Variants in PTPRT observed in about 807,000 individuals in gnomAD.
The protein encoded by PTPRT is receptor-type tyrosine-protein phosphatase T.
PTPRT carries 56 observed loss-of-function variants against 176.8 expected under a neutral mutation model. The ratio of observed to expected loss-of-function variants is 0.32; its 90% confidence interval spans 0.26 to 0.40. The LOEUF (loss-of-function observed/expected upper bound fraction) is 0.40, where lower values mean the gene tolerates loss of function less well. Among genes scored for constraint, PTPRT ranks in the 10% least tolerant of loss-of-function variants. The pLI is 1.00. For missense variants in PTPRT, 1,540 were observed against 1,908.2 expected, an observed-to-expected ratio of 0.81 and a Z score of 3.60; for synonymous variants, 783 against 739.0, an observed-to-expected ratio of 1.06 and a Z score of -0.96.
At chr20:42,562,243 C>G (rs772367411) in intron 7 of PTPRT, among the ~76,000 whole-genome samples, 1 of 152,214 alleles carries the variant, frequency 6.6e-6, no homozygotes, top group Non-Finnish European at 1.5e-5. Context: ...CCAGAATTAT[C>G]TTGTTCCCTA....
chr20:42,967,315 T>C (rs1427854785), intron 1 of PTPRT, among the ~76,000 whole-genome samples: 1 of 152,142 alleles, frequency 6.6e-6, no homozygotes, highest in East Asian at 1.9e-4. Flanking sequence ...ATTTAAGGTA[T>C]TGAGATGAGA....
chr20:42,975,753 C>A (rs6072917), intron 1 of PTPRT, among the ~76,000 whole-genome samples: 1 of 151,956 alleles, frequency 6.6e-6, no homozygotes, highest in Non-Finnish European at 1.5e-5. Flanking sequence ...CTAGCCGTTA[C>A]GTAGAAATCC....
At chr20:42,581,721 G>A (rs1451874541) in intron 7 of PTPRT, among the ~76,000 whole-genome samples, 3 of 152,302 alleles carry the variant, frequency 2.0e-5, no homozygotes, top group South Asian at 4.1e-4. Context: ...CTTGGGAAGA[G>A]AAAATTGCAT....
intron 15 of PTPRT, among the ~76,000 whole-genome samples, chr20:42,227,838 ACCTCAGGTAAT>A (rs2056053548): frequency 6.6e-6 from 1 of 151,858 alleles, no homozygotes; most frequent in Non-Finnish European, 1.5e-5. Context: ...CAAACTCCTG[ACCTCAGGTAAT>A]CCACCTGCCT....
At chr20:42,717,929 C>T (rs866621708) in intron 6 of PTPRT, among the ~76,000 whole-genome samples, 1 of 152,316 alleles carries the variant, frequency 6.6e-6, no homozygotes, top group South Asian at 2.1e-4. Flanking sequence ...TGCTCAATTT[C>T]ACTAGTCATC....
chr20:42,649,380 G>C (rs2074986817), intron 7 of PTPRT, among the ~76,000 whole-genome samples: 1 of 152,098 alleles, frequency 6.6e-6, no homozygotes, highest in Non-Finnish European at 1.5e-5. Context: ...GGGAATTGTG[G>C]GAGCTACAAT....
intron 3 of PTPRT, among the ~76,000 whole-genome samples, chr20:42,782,067 A>G (rs1037874774): frequency 6.6e-6 from 1 of 152,240 alleles, no homozygotes; most frequent in Non-Finnish European, 1.5e-5. Flanking sequence ...AATATTTACT[A>G]GAATTATTAT....
At chr20:42,615,075 A>T (rs2074047534) in intron 7 of PTPRT, among the ~76,000 whole-genome samples, 1 of 114,970 alleles carries the variant, frequency 8.7e-6, no homozygotes, top group African/African-American at 3.5e-5. Flanking sequence ...TCCCAATGCT[A>T]TCCCTCCCCC....
intron 18 of PTPRT, among the ~76,000 whole-genome samples, chr20:42,139,409 A>G (rs539660897): frequency 2.0e-5 from 3 of 152,234 alleles, no homozygotes; most frequent in Non-Finnish European, 2.9e-5. Context: ...GGAGACAGGA[A>G]TACCAGTAGG....
At position 42,615,538 on chromosome 20, in the gene PTPRT, A is replaced by T. The variant is rs1351497149; in HGVS notation, c.1153+62328T>A. 1.4e-5 allele frequency among the ~76,000 whole-genome samples: 2 copies of T among 138,326 alleles called. 1 individual carries two copies. Among genetic ancestry groups the T allele is most frequent in the South Asian group, 4.5e-4 (2 of 4,468 alleles). The allele number at this position is 138,326 out of a possible 152,430, so 90.7% of individuals were successfully genotyped here. Reference sequence around the variant, plus strand: ...GTGACTTCTACAATGGTTGAACTGGATTACAGTCCCACCAACAGTGTAAAA... The same window carrying T: ...GTGACTTCTACAATGGTTGAACTGGTTTACAGTCCCACCAACAGTGTAAAA... On this transcript the variant is annotated intron_variant, in intron 7 of 30. Transcript: ENST00000373187.
intron 1 of PTPRT, among the ~76,000 whole-genome samples, chr20:43,064,959 C>A (rs1208853719): frequency 6.6e-6 from 1 of 152,172 alleles, no homozygotes; most frequent in Non-Finnish European, 1.5e-5. Context: ...TTACATTTGC[C>A]CTTTCCTCTG....
At chr20:42,321,563 A>G (rs1165642188) in intron 11 of PTPRT, among the ~76,000 whole-genome samples, 1 of 152,214 alleles carries the variant, frequency 6.6e-6, no homozygotes, top group African/African-American at 2.4e-5. Flanking sequence ...GCATTAATAC[A>G]TAATTACCAG....
In PTPRT at chr20:42,999,615, T is replaced by TTTTGTTGTTG. The variant is rs1555815037; in HGVS notation, c.89-113684_89-113683insCAACAACAAA. On this transcript the variant is annotated intron_variant, in intron 1 of 30. Transcript: ENST00000373187. ...TAAAAAAAAAACTTGTGGTTTTTTT[T>TTTTGTTGTTG]TTGTTGTTGTTGTTGTTGTGGTGGT... Among the ~76,000 whole-genome samples, 231 of 150,546 alleles carry TTTTGTTGTTG rather than the reference T, an allele frequency of 1.5e-3. 1 individual carries two copies. Among genetic ancestry groups the TTTTGTTGTTG allele is most frequent in the African/African-American group, 4.9e-3 (201 of 40,782 alleles).
intron 1 of PTPRT, among the ~76,000 whole-genome samples, chr20:42,953,848 T>C (rs1355972857): frequency 1.3e-5 from 2 of 152,200 alleles, no homozygotes; most frequent in Non-Finnish European, 2.9e-5. Flanking sequence ...CAGTGCTTTG[T>C]AGGGTGCTTA....
chr20:42,748,763 C>A lies in PTPRT; in HGVS notation c.859+7699G>T, dbSNP rs2076726967. Among the ~76,000 whole-genome samples, 5 of 152,026 alleles carry A rather than the reference C, an allele frequency of 3.3e-5. No homozygotes were observed. In the South Asian group the frequency reaches 1.0e-3, roughly 32 times the overall value. On this transcript the variant is annotated intron_variant, in intron 6 of 30. Coordinates refer to ENST00000373187, the MANE Select transcript of PTPRT (RefSeq NM_007050.6). ...ACAGTAAAGCCAGAAAATTAAGACC[C>A]CCAAGAGCAGCTCTCAACCAATGAC...
At position 42,616,973 on chromosome 20, in the gene PTPRT, A is replaced by G. The variant is rs1303626324; in HGVS notation, c.1153+60893T>C. Among the ~76,000 whole-genome samples the G allele has an allele frequency of 7.5e-5, 10 of 133,144 alleles. 2 individuals are homozygous for G. Among genetic ancestry groups the G allele is most frequent in the Admixed American group, 2.1e-4 (3 of 13,956 alleles). 87.3% of individuals were successfully genotyped at this position (133,144 alleles called of 152,430 possible). A position where few individuals can be genotyped will look rare whatever the true frequency, so the allele number is the denominator to read the frequency against. ...TGCCCTGGCCAGAACTTCCAACACT[A>G]TGTTGAATAGGAGTGGTGAGAGAGG... On this transcript the variant is annotated intron_variant, in intron 7 of 30. Transcript: ENST00000373187.
chr20:42,277,919 TCCA>T (rs2057070215), intron 13 of PTPRT, among the ~76,000 whole-genome samples: 1 of 150,266 alleles, frequency 6.7e-6, no homozygotes, highest in Admixed American at 6.6e-5. Flanking sequence ...CATCCATCCA[TCCA>T]TCCATCCATT....
chr20:42,853,659 A>G (rs1852123050), intron 2 of PTPRT, among the ~76,000 whole-genome samples: 1 of 152,176 alleles, frequency 6.6e-6, no homozygotes. Context: ...CTTCTTTACT[A>G]AGTCTTCTGA....
At position 42,498,897 on chromosome 20, in the gene PTPRT, A is replaced by G. The variant is rs545308579; in HGVS notation, c.1154-26335T>C. 1.4e-4 allele frequency among the ~76,000 whole-genome samples: 21 copies of G among 152,208 alleles called. No individual in the cohort carries two copies. The East Asian group carries it at 2.9e-3, about 21-fold the overall frequency. ...CAGGCCAAACCAACATATACCTTAC[A>G]TATATTGATTTATGTCTTTGCCTGT... On this transcript the variant is annotated intron_variant, in intron 7 of 30. Transcript: ENST00000373187.
Sources: gnomAD v4.1 joint callset for allele counts (sites outside exome capture counted in the v4.1 genomes callset) on GRCh38, gnomAD v4.1.1 for gene constraint, MANE v1.5 for transcripts, NCBI Gene and HGNC (gene_info 2026-07-23, HGNC 2026-07-21) for gene names.